The following PHACTR2 variants were observed in gnomAD, a reference collection of about 807,000 sequenced individuals.
PHACTR2 encodes phosphatase and actin regulator 2.
In PHACTR2, 30 loss-of-function variants were observed where a neutral mutation model predicts 76.0. The ratio of observed to expected loss-of-function variants is 0.39; its 90% CI spans 0.30 to 0.54. The LOEUF is 0.54. Ranked by LOEUF, PHACTR2 falls within the 20% of genes least tolerant of loss-of-function variation. The pLI, the probability that PHACTR2 is intolerant of heterozygous loss-of-function variation, is 0.61. For synonymous variants in PHACTR2, 292 were observed against 292.5 expected, an observed-to-expected ratio of 1.00 and a Z score of 0.02; for missense variants, 696 against 781.1, an observed-to-expected ratio of 0.89 and a Z score of 1.30.
In PHACTR2 at chr6:143,783,327, C is replaced by A; in HGVS notation, c.1707+47C>A. On this transcript the variant is annotated intron_variant, in intron 10 of 12. Coordinates refer to ENST00000440869, the MANE Select transcript of PHACTR2 (RefSeq NM_001100164.2). This position sits in a 1 kb window ranked among gnomAD's most constrained non-coding sequence, Gnocchi z 5.2. ...ATGAGCATATGTGTTTTGAGATATA[C>A]TTTTAAAAAAAAATACTAATCCTCT... The A allele has an allele frequency of 2.8e-6, 3 of 1,079,102 alleles. No homozygotes were observed. The highest frequency in any genetic ancestry group is 1.9e-5 in the Admixed American group (1 of 53,894). 66.8% of individuals were successfully genotyped at this position (1,079,102 alleles called of 1,614,324 possible). A position where few individuals can be genotyped will look rare whatever the true frequency, so the allele number is the denominator to read the frequency against.
In PHACTR2 at chr6:143,765,456, C is replaced by T; in HGVS notation, c.890C>T (p.Ser297Phe). The change falls in exon 6 of 13, where the codon TCT (serine) becomes TTT (phenylalanine). Residue 297 changes from serine (S) to phenylalanine (F), a missense_variant. By Grantham distance (155) the Ser-to-Phe change is radical (BLOSUM62 -2). Transcript: ENST00000440869. The surrounding 1 kb of genome is among the most constrained non-coding windows in gnomAD (Gnocchi z 4.1). Reference sequence around the variant, plus strand: ...CACCTGTCCTCAGACACAACAACTTCTGGCACATCCGACCTGAAAGGAGAG... The same window carrying T: ...CACCTGTCCTCAGACACAACAACTTTTGGCACATCCGACCTGAAAGGAGAG... ...TSHLSSDTTT[S>F]GTSDLKGEPA... 6.2e-7 allele frequency: 1 copy of T among 1,614,226 alleles called. No individual in the cohort carries two copies. The highest frequency in any genetic ancestry group is 8.5e-7 in the Non-Finnish European group (1 of 1,180,042).
chr6:143,569,113 G>C (rs550042503), intron 1 of PHACTR2, among the ~76,000 whole-genome samples: 1 of 152,288 alleles, frequency 6.6e-6, no homozygotes, highest in African/African-American at 2.4e-5. Context: ...CCGTGACCAT[G>C]AGAAAGTGTT....
Position 143,671,776 on chromosome 6 carries a change from C to A in PHACTR2, c.14-40240C>A, listed in dbSNP as rs186955286. On this transcript the variant is annotated intron_variant, in intron 1 of 11. Transcript: ENST00000305766. The surrounding 1 kb of genome is among the most constrained non-coding windows in gnomAD (Gnocchi z 4.6). ...TAGCATATATGTAACACAATATAGA[C>A]CCAAAGTCTTTTCATGGAGCAGGAA... Among the ~76,000 whole-genome samples the A allele has an allele frequency of 3.0e-3, 456 of 152,144 alleles. 3 individuals carry two copies. The Middle Eastern group carries it at 0.044, about 15-fold the overall frequency.
chr6:143,545,187 C>T (rs1774962171), intron 1 of PHACTR2, among the ~76,000 whole-genome samples: 2 of 152,162 alleles, frequency 1.3e-5, no homozygotes, highest in South Asian at 2.1e-4. Flanking sequence ...TCAAGTGAGC[C>T]ACCCACCTAG....
rs1264744405 is a variant in PHACTR2 at position 143,791,613 on chromosome 6, T to C, written c.1845+2703T>C. ...TCAATCTTGCTAGTTCTATTCAGAT[T>C]TCTGTACCCTTAGTTATTTTTTTGT... On this transcript the variant is annotated intron_variant, in intron 11 of 12. Transcript: ENST00000440869. The surrounding 1 kb of genome is among the most constrained non-coding windows in gnomAD (Gnocchi z 4.7). Among the ~76,000 whole-genome samples, 1 of 152,194 alleles carries C rather than the reference T, an allele frequency of 6.6e-6. No homozygotes were observed. The highest frequency in any genetic ancestry group is 1.5e-5 in the Non-Finnish European group (1 of 68,040).
At chr6:143,569,082 G>A (rs1396252924) in intron 1 of PHACTR2, among the ~76,000 whole-genome samples, 3 of 152,264 alleles carry the variant, frequency 2.0e-5, no homozygotes, top group African/African-American at 7.2e-5. Flanking sequence ...ACCCATATTT[G>A]GAGAGATGTT....
Position 143,793,497 on chromosome 6 carries a change from C to T in PHACTR2, c.1845+4587C>T, listed in dbSNP as rs1323609977. Among the ~76,000 whole-genome samples the T allele has an allele frequency of 1.3e-5, 2 of 152,076 alleles. No individual in the cohort carries two copies. The highest frequency in any genetic ancestry group is 4.8e-5 in the African/African-American group (2 of 41,396). ...ATTTTCTCCCTCTGACAGTATCTCTCACATTTCTCCTGAGGCTTTTTAAAG... is the reference window on the plus strand; with the variant it reads ...ATTTTCTCCCTCTGACAGTATCTCTTACATTTCTCCTGAGGCTTTTTAAAG... On this transcript the variant is annotated intron_variant, in intron 11 of 12. Coordinates refer to ENST00000440869, the MANE Select transcript of PHACTR2 (RefSeq NM_001100164.2). The surrounding 1 kb of genome is among the most constrained non-coding windows in gnomAD (Gnocchi z 4.4).
At chr6:143,704,889 C>T (rs550321611) in intron 1 of PHACTR2, among the ~76,000 whole-genome samples, 9 of 152,196 alleles carry the variant, frequency 5.9e-5, no homozygotes, top group East Asian at 5.8e-4. Flanking sequence ...AGTGCAGTGG[C>T]GCGATCTCGG....
chr6:143,703,363 G>GA (rs1049777002), intron 1 of PHACTR2, among the ~76,000 whole-genome samples: 2 of 151,940 alleles, frequency 1.3e-5, no homozygotes, highest in Non-Finnish European at 2.9e-5. Flanking sequence ...TGTATGCCTC[G>GA]AAAAAATCTT....
At position 143,581,814 on chromosome 6, in the gene PHACTR2, AGAGT is replaced by A. The variant is rs886644703; in HGVS notation, c.217+44611_217+44614del. Among the ~76,000 whole-genome samples the A allele has an allele frequency of 1.1e-4, 16 of 152,230 alleles. No homozygotes were observed. The highest frequency in any genetic ancestry group is 3.4e-4 in the African/African-American group (14 of 41,562). ...GCCACTGCACTCCAGCCTGGGTGAC[AGAGT>A]GAGAACCCTGTTCCCCTCCCCACCC... is the stretch of plus-strand genomic sequence containing the variant. On this transcript the variant is annotated intron_variant, in intron 1 of 11. Transcript: ENST00000367584. This position sits in a 1 kb window ranked among gnomAD's most constrained non-coding sequence, Gnocchi z 4.5.
chr6:143,814,015 T>C (rs1314134856), intron 12 of PHACTR2, among the ~76,000 whole-genome samples: 1 of 152,224 alleles, frequency 6.6e-6, no homozygotes, highest in Non-Finnish European at 1.5e-5. Context: ...TTATGTACTA[T>C]GTTCTTACCA....
intron 1 of PHACTR2, among the ~76,000 whole-genome samples, chr6:143,629,797 G>A (rs918377340): frequency 6.6e-6 from 1 of 152,184 alleles, no homozygotes; most frequent in East Asian, 1.9e-4. Context: ...CAAGCCCTGA[G>A]ATAATGAAAT....
At chr6:143,565,864 A>G (rs1390249697) in intron 1 of PHACTR2, among the ~76,000 whole-genome samples, 1 of 152,078 alleles carries the variant, frequency 6.6e-6, no homozygotes, top group Non-Finnish European at 1.5e-5. Context: ...TTGGGCGGGA[A>G]GGGGAGTCTG....
At position 143,807,199 on chromosome 6, in the gene PHACTR2, A is replaced by G; in HGVS notation, c.1922+66A>G. On this transcript the variant is annotated intron_variant, in intron 12 of 12. Coordinates refer to ENST00000440869, the MANE Select transcript of PHACTR2 (RefSeq NM_001100164.2). This position sits in a 1 kb window ranked among gnomAD's most constrained non-coding sequence, Gnocchi z 5.5. ...GATGTGATCCCATGTTGAGTTGGTT[A>G]AAAAAAGAAATTGCTTACAATGGTA... is the stretch of plus-strand genomic sequence containing the variant. 1 of 897,340 alleles carries G rather than the reference A, an allele frequency of 1.1e-6. No homozygotes were observed. The highest frequency in any genetic ancestry group is 1.8e-6 in the Non-Finnish European group (1 of 559,780). 55.6% of individuals were successfully genotyped at this position (897,340 alleles called of 1,614,324 possible).
At chr6:143,785,515 T>A (rs1441217410) in intron 10 of PHACTR2, among the ~76,000 whole-genome samples, 4 of 152,196 alleles carry the variant, frequency 2.6e-5, no homozygotes, top group African/African-American at 7.2e-5. Flanking sequence ...TCTACCATTC[T>A]GGGTTCTGGA....
rs1445670210 is a variant in PHACTR2 at position 143,742,634 on chromosome 6, AAG to A, written c.215-6346_215-6345del. ...TAGCCTTCTACAAATAACATGGACT[AAG>A]AGAGGGGGAATGTGGCTTCCCAAAG... On this transcript the variant is annotated intron_variant, in intron 2 of 12. Coordinates refer to ENST00000440869, the MANE Select transcript of PHACTR2 (RefSeq NM_001100164.2). This position sits in a 1 kb window ranked among gnomAD's most constrained non-coding sequence, Gnocchi z 4.5. 6.6e-6 allele frequency among the ~76,000 whole-genome samples: 1 copy of A among 152,194 alleles called. No homozygotes were observed. Among genetic ancestry groups the A allele is most frequent in the African/African-American group, 2.4e-5 (1 of 41,462 alleles).
At chr6:143,718,822 A>C (rs1201499615) in intron 2 of PHACTR2, among the ~76,000 whole-genome samples, 1 of 151,826 alleles carries the variant, frequency 6.6e-6, no homozygotes. Flanking sequence ...AATAAATGAC[A>C]GCATTTTGAT....
rs532508563 is a variant in PHACTR2 at position 143,812,587 on chromosome 6, T to C, written c.1922+5454T>C. 3.3e-5 allele frequency among the ~76,000 whole-genome samples: 5 copies of C among 152,318 alleles called. No homozygotes were observed. In the East Asian group the frequency reaches 9.6e-4, roughly 29 times the overall value. On this transcript the variant is annotated intron_variant, in intron 12 of 12. Coordinates refer to ENST00000440869, the MANE Select transcript of PHACTR2 (RefSeq NM_001100164.2). ...CCAGTTTCTCCCAGTATTTTCCAGA[T>C]GGTGCCCTGGAATTGGAATGGATGC...
rs76436896 is a variant in PHACTR2, at chr6:143,627,310, A to G, written c.13+18988A>G. 0.014 allele frequency among the ~76,000 whole-genome samples: 2,144 copies of G among 152,354 alleles called. 59 individuals are homozygous for G. Among genetic ancestry groups the G allele is most frequent in the African/African-American group, 0.049 (2,021 of 41,572 alleles). ...TTTCAAAACTAAGATAGCTTTACTC[A>G]GTTCGATAACTTGCCTTATTCATCA... On this transcript the variant is annotated intron_variant, in intron 1 of 11. Coordinates refer to the PHACTR2 transcript ENST00000305766. This position sits in a 1 kb window ranked among gnomAD's most constrained non-coding sequence, Gnocchi z 4.3.
Sources: allele counts gnomAD v4.1 joint callset (sites outside exome capture counted in the v4.1 genomes callset), GRCh38; gene constraint gnomAD v4.1.1; non-coding constraint Gnocchi (gnomAD v3.1); transcripts MANE v1.5; gene names NCBI Gene and HGNC (gene_info 2026-07-23, HGNC 2026-07-21).